The following GPSM2 variants were observed in gnomAD, a reference collection of about 807,000 sequenced individuals.
The protein encoded by GPSM2 is G protein signaling modulator 2.
In GPSM2, 58 loss-of-function variants were observed where a neutral mutation model predicts 78.4. That is an observed-to-expected ratio of 0.74 (90% CI 0.60 to 0.92). GPSM2 has a LOEUF of 0.92. Among genes scored for constraint, GPSM2 ranks in the 40% least tolerant of loss-of-function variants. The pLI, the probability that GPSM2 is intolerant of heterozygous loss-of-function variation, is 0.00. For synonymous variants in GPSM2, 224 were observed against 280.2 expected, an observed-to-expected ratio of 0.80 and a Z score of 2.00; for missense variants, 700 against 815.5, an observed-to-expected ratio of 0.86 and a Z score of 1.73.
Position 108,930,013 on chromosome 1 carries a change from G to C in GPSM2, c.*73G>C. 7.5e-7 allele frequency: 1 copy of C among 1,333,212 alleles called. No homozygotes were observed. The highest frequency in any genetic ancestry group is 1.1e-6 in the Non-Finnish European group (1 of 935,404). The allele number at this position is 1,333,212 out of a possible 1,614,324, so 82.6% of individuals were successfully genotyped here. ...TCTATTACTTTTTTCCTTAAAAGGA[G>C]AATTTATAGCACTGTAATACAGCTT... On this transcript the variant is annotated 3_prime_UTR_variant, in exon 15 of 15. Transcript: ENST00000264126.
chr1:108,924,767 G>A (rs1030247101), intron 14 of GPSM2, among the ~76,000 whole-genome samples: 4 of 152,008 alleles, frequency 2.6e-5, no homozygotes, highest in Admixed American at 6.6e-5. Context: ...GTAGGGGAAG[G>A]GAAGAGTTGT....
At chr1:108,924,564 GTGTC>G (rs1457976479) in intron 14 of GPSM2, among the ~76,000 whole-genome samples, 1 of 152,172 alleles carries the variant, frequency 6.6e-6, no homozygotes, top group African/African-American at 2.4e-5. Context: ...GGTAGGGGGA[GTGTC>G]TGTTTTAGGT....
chr1:108,922,155 T>G (rs924811411), intron 12 of GPSM2, among the ~76,000 whole-genome samples: 15 of 152,244 alleles, frequency 9.9e-5, no homozygotes, highest in African/African-American at 2.9e-4. Flanking sequence ...CACCAGTGTT[T>G]GCATAATTCA....
In GPSM2 at chr1:108,924,068, C is replaced by A; in HGVS notation, c.1669C>A (p.Arg557Ser). 1 of 1,613,104 alleles carries A rather than the reference C, an allele frequency of 6.2e-7. No homozygotes were observed. Among genetic ancestry groups the A allele is most frequent in the Non-Finnish European group, 8.5e-7 (1 of 1,179,166 alleles). ...AGATCTTCTTGCCAGCTCACAGAGTCGCCGTCTGGATGACCAGAGGGCTAG... is the reference window on the plus strand; with the variant it reads ...AGATCTTCTTGCCAGCTCACAGAGTAGCCGTCTGGATGACCAGAGGGCTAG... ...FLDLLASSQS[R>S]RLDDQRASFS... Residue 557 changes from arginine (R) to serine (S), a missense_variant, in exon 14 of 15, where the codon CGC (arginine) becomes AGC (serine). Arg to Ser is a moderately radical substitution (Grantham distance 110). Coordinates refer to ENST00000264126, the MANE Select transcript of GPSM2 (RefSeq NM_013296.5).
chr1:108,893,271 T>C (rs1648105125), intron 2 of GPSM2, among the ~76,000 whole-genome samples: 1 of 152,254 alleles, frequency 6.6e-6, no homozygotes, highest in African/African-American at 2.4e-5. Flanking sequence ...GATTTTTAAA[T>C]GTTGTTCACA....
chr1:108,893,565 T>C (rs1450799656), intron 2 of GPSM2, among the ~76,000 whole-genome samples: 1 of 152,222 alleles, frequency 6.6e-6, no homozygotes, highest in Non-Finnish European at 1.5e-5. Context: ...GCACTGAAAA[T>C]GCTTGAGATA....
At chr1:108,917,611 CATATATATATATAT>C (rs55909258) in intron 11 of GPSM2, among the ~76,000 whole-genome samples, 745 of 22,362 alleles carry the variant, frequency 0.033, 22 homozygotes, top group Non-Finnish European at 0.046. Context: ...CACACACACA[CATATATATATATAT>C]ATATATATAT....
At chr1:108,889,357 G>C (rs184892531) in intron 2 of GPSM2, among the ~76,000 whole-genome samples, 9 of 152,278 alleles carry the variant, frequency 5.9e-5, no homozygotes, top group Admixed American at 2.6e-4. Flanking sequence ...AGGTAGAGGG[G>C]AACAAAGGAA....
chr1:108,881,697 A>G (rs1040767046), intron 1 of GPSM2, among the ~76,000 whole-genome samples: 4 of 152,216 alleles, frequency 2.6e-5, no homozygotes, highest in African/African-American at 9.6e-5. Context: ...GTAAGACTAT[A>G]TTATAAATTG....
chr1:108,885,679 T>C (rs534736105), intron 2 of GPSM2, 101 bp downstream of exon 2: 1 of 785,508 alleles, frequency 1.3e-6, no homozygotes, highest in Admixed American at 1.8e-5. Context: ...TACTCAAATA[T>C]ACCAGCCATA....
Position 108,898,947 on chromosome 1 carries a change from T to A in GPSM2, c.750T>A (p.Asn250Lys). 6.2e-7 allele frequency: 1 copy of A among 1,612,130 alleles called. No individual in the cohort carries two copies. The highest frequency in any genetic ancestry group is 8.5e-7 in the Non-Finnish European group (1 of 1,178,216). Residue 250 changes from asparagine to lysine, a missense_variant, in exon 7 of 15, where the codon AAT becomes AAA. Physicochemically the swap from Asn to Lys is moderately conservative, Grantham distance 94. Transcript: ENST00000264126. ...AERRAYSNLGNAYIFLGEFET... is the reference protein window; with the variant it reads ...AERRAYSNLGKAYIFLGEFET... ...GAAGAGCATATAGCAACCTTGGAAA[T>A]GCATATATATTTCTTGGTGAATTTG...
chr1:108,904,818 C>T (rs2101446749), intron 10 of GPSM2, among the ~76,000 whole-genome samples: 1 of 151,922 alleles, frequency 6.6e-6, no homozygotes, highest in East Asian at 1.9e-4. Context: ...ATTTGTTTGA[C>T]ATTTCTATAG....
intron 10 of GPSM2, among the ~76,000 whole-genome samples, chr1:108,910,639 C>T (rs1297313248): frequency 9.2e-5 from 14 of 151,824 alleles, no homozygotes; most frequent in Admixed American, 2.0e-4. Flanking sequence ...CTGAGGCGGG[C>T]GGATCATGAG....
rs771385156 is a variant in GPSM2 at position 108,924,088 on chromosome 1, G to A, written c.1689G>A (p.Arg563=). The A allele has an allele frequency of 1.9e-6, 3 of 1,613,488 alleles. No individual in the cohort carries two copies. The highest frequency in any genetic ancestry group is 2.7e-5 in the African/African-American group (2 of 74,974). The change falls in exon 14 of 15, where the codon AGG becomes AGA. Residue 563 remains arginine, a synonymous_variant. Coordinates refer to ENST00000264126, the MANE Select transcript of GPSM2 (RefSeq NM_013296.5). ...SSQSRRLDDQ[R]ASFSNLPGLR... ...AGAGTCGCCGTCTGGATGACCAGAG[G>A]GCTAGTTTCAGTAATTTGCCAGGGC...
At chr1:108,914,776 T>G (rs570754624) in intron 11 of GPSM2, among the ~76,000 whole-genome samples, 1 of 152,338 alleles carries the variant, frequency 6.6e-6, no homozygotes, top group East Asian at 1.9e-4. Flanking sequence ...GTATTACTTT[T>G]AATTAATAGA....
At position 108,932,718 on chromosome 1, in the gene GPSM2, A is replaced by G. The variant is rs1652216843; in HGVS notation, c.*2778A>G. The stretch of plus-strand genomic sequence containing the variant: ...GTCAGTGTGAACATGTCTTGTCCCA[A>G]GAGGACACTTTATACGCATGGATGT... On this transcript the variant is annotated 3_prime_UTR_variant, in exon 15 of 15. Transcript: ENST00000264126. 1 of 152,202 alleles carries G rather than the reference A, an allele frequency of 6.6e-6. No individual in the cohort carries two copies. The highest frequency in any genetic ancestry group is 2.1e-4 in the South Asian group (1 of 4,834). 9.4% of individuals were successfully genotyped at this position (152,202 alleles called of 1,614,324 possible).
chr1:108,901,176 T>C (rs1648777143), intron 7 of GPSM2, among the ~76,000 whole-genome samples: 1 of 152,214 alleles, frequency 6.6e-6, no homozygotes, highest in Admixed American at 6.5e-5. Context: ...ATTGGCAAAG[T>C]TGGGATTTAA....
At position 108,908,728 on chromosome 1, in the gene GPSM2, A is replaced by AACACACACACACACACACACAC. The variant is rs71591128; in HGVS notation, c.1192+4484_1192+4485insACACACACACACACACACACAC. The stretch of plus-strand genomic sequence containing the variant: ...CAGCCAGACTCCATCTCAAAACACA[A>AACACACACACACACACACACAC]ACACACACACGCCGGGGCAGTGGCT... On this transcript the variant is annotated intron_variant, in intron 10 of 14. Transcript: ENST00000264126. Among the ~76,000 whole-genome samples the AACACACACACACACACACACAC allele has an allele frequency of 1.4e-3, 215 of 148,462 alleles. 3 individuals carry two copies. Among genetic ancestry groups the AACACACACACACACACACACAC allele is most frequent in the African/African-American group, 5.2e-3 (200 of 38,652 alleles).
rs2101581755 is a variant in GPSM2 at position 108,930,491 on chromosome 1, C to T, written c.*551C>T. The T allele has an allele frequency of 6.5e-6, 1 of 153,524 alleles. No homozygotes were observed. The highest frequency in any genetic ancestry group is 2.4e-5 in the African/African-American group (1 of 41,502). The allele number at this position is 153,524 out of a possible 1,614,324, so 9.5% of individuals were successfully genotyped here. On this transcript the variant is annotated 3_prime_UTR_variant, in exon 15 of 15. Transcript: ENST00000264126. Reference sequence around the variant, plus strand: ...CTACTTCTTGGGCTGGGCATGGTGGCTCATTCCTGTAATCCCAGCACATTG... The same window carrying T: ...CTACTTCTTGGGCTGGGCATGGTGGTTCATTCCTGTAATCCCAGCACATTG...
Sources: gnomAD v4.1 joint callset for allele counts (sites outside exome capture counted in the v4.1 genomes callset) on GRCh38, gnomAD v4.1.1 for gene constraint, MANE v1.5 for transcripts, NCBI Gene and HGNC (gene_info 2026-07-23, HGNC 2026-07-21) for gene names.